Variants in HTT observed in about 807,000 individuals in gnomAD.
HTT encodes huntingtin.
HTT carries 104 observed loss-of-function variants against 362.3 expected under a neutral mutation model. The ratio of observed to expected loss-of-function variants is 0.29; its 90% CI spans 0.24 to 0.34. The LOEUF is 0.34. Ranked by LOEUF, HTT falls within the 10% of genes least tolerant of loss-of-function variation. HTT has a pLI of 1.00. For synonymous variants in HTT, 1,577 were observed against 1,548.7 expected, an observed-to-expected ratio of 1.02 and a Z score of -0.43; for missense variants, 3,301 against 3,928.6, an observed-to-expected ratio of 0.84 and a Z score of 4.27.
chr4:3,209,815 T>C lies in HTT; in HGVS notation c.6292-12T>C. 1 of 1,613,358 alleles carries C rather than the reference T, an allele frequency of 6.2e-7. No homozygotes were observed. The highest frequency in any genetic ancestry group is 1.1e-5 in the South Asian group (1 of 91,010). On this transcript the variant is annotated splice_polypyrimidine_tract_variant and intron_variant, in intron 46 of 66. Coordinates refer to ENST00000355072, the MANE Select transcript of HTT (RefSeq NM_001388492.1). Reference sequence around the variant, plus strand: ...CCCATCATGTTCCCCTTATCCATTTTTTTCTTCCCAGGACTGGTACGTTCA... The same window carrying C: ...CCCATCATGTTCCCCTTATCCATTTCTTTCTTCCCAGGACTGGTACGTTCA...
Position 3,228,050 on chromosome 4 carries a change from G to A in HTT, c.7849-565G>A, listed in dbSNP as rs1437299089. Among the ~76,000 whole-genome samples, 2 of 152,212 alleles carry A rather than the reference G, an allele frequency of 1.3e-5. No homozygotes were observed. The highest frequency in any genetic ancestry group is 2.9e-5 in the Non-Finnish European group (2 of 68,036). On this transcript the variant is annotated intron_variant, in intron 57 of 66. Coordinates refer to ENST00000355072, the MANE Select transcript of HTT (RefSeq NM_001388492.1). The surrounding 1 kb of genome is among the most constrained non-coding windows in gnomAD (Gnocchi z 4.3). ...GCCAAGAACGTGAGTTGGGGCTAGT[G>A]CCAGTGATGATGGAGAACAGCTTTT...
At position 3,099,346 on chromosome 4, in the gene HTT, G is replaced by C. The variant is rs372355130; in HGVS notation, c.420G>C (p.Glu140Asp). The change falls in exon 3 of 67, where the codon GAG (glutamate) becomes GAC (aspartate). Residue 140 changes from glutamate to aspartate, a missense_variant. Coordinates refer to ENST00000355072, the MANE Select transcript of HTT (RefSeq NM_001388492.1). Reference sequence around the variant, plus strand: ...TTCTGCTGTGCAGTGATGACGCAGAGTCAGATGTCAGGATGGTGGCTGACG... The same window carrying C: ...TTCTGCTGTGCAGTGATGACGCAGACTCAGATGTCAGGATGGTGGCTGACG... The part of the protein sequence containing the change: ...ELFLLCSDDA[E>D]SDVRMVADEC... 1.6e-4 allele frequency: 257 copies of C among 1,613,782 alleles called. No homozygotes were observed. Among genetic ancestry groups the C allele is most frequent in the Non-Finnish European group, 2.1e-4 (252 of 1,179,760 alleles).
At chr4:3,107,727 G>A (rs1256199536) in intron 6 of HTT, among the ~76,000 whole-genome samples, 1 of 152,208 alleles carries the variant, frequency 6.6e-6, no homozygotes, top group Admixed American at 6.5e-5. Context: ...CTAGCTGCGG[G>A]AAGATGACTG....
At chr4:3,172,266 G>A (rs1174621131) in intron 29 of HTT, 54 bp from the exon 30 acceptor site, 11 of 978,236 alleles carry the variant, frequency 1.1e-5, no homozygotes, top group Admixed American at 8.5e-5. Context: ...TCTAGGATTC[G>A]TACAATAACG....
chr4:3,212,858 G>A lies in HTT; in HGVS notation c.6774+149G>A, dbSNP rs77205267. 6.9e-4 allele frequency: 557 copies of A among 812,642 alleles called. 1 individual carries two copies. In the African/African-American group the frequency reaches 8.8e-3, roughly 13 times the overall value. 50.3% of individuals were successfully genotyped at this position (812,642 alleles called of 1,614,324 possible). A position where few individuals can be genotyped will look rare whatever the true frequency, so the allele number is the denominator to read the frequency against. On this transcript the variant is annotated intron_variant, in intron 49 of 66. Transcript: ENST00000355072. Reference sequence around the variant, plus strand: ...CAGCCTGGCAGTAAGTCTTGTCACCGTCAAGTTATTGTAGCCATCCTTCAC... The same window carrying A: ...CAGCCTGGCAGTAAGTCTTGTCACCATCAAGTTATTGTAGCCATCCTTCAC...
At chr4:3,100,310 A>G (rs1349706344) in intron 3 of HTT, among the ~76,000 whole-genome samples, 1 of 152,236 alleles carries the variant, frequency 6.6e-6, no homozygotes, top group Non-Finnish European at 1.5e-5. Flanking sequence ...CTTATTAATA[A>G]TGACATCCTT....
chr4:3,238,311 C>T, intron 64 of HTT, 136 bp from the exon 65 acceptor site: 1 of 600,938 alleles, frequency 1.7e-6, no homozygotes, highest in Non-Finnish European at 2.7e-6. Flanking sequence ...TTGGAAAGTC[C>T]CTCACGGCCG....
At position 3,121,341 on chromosome 4, in the gene HTT, C is replaced by A; in HGVS notation, c.1182C>A (p.Thr394=). Residue 394 remains threonine (T), a synonymous_variant, in exon 9 of 67, where the codon ACC becomes ACA. Coordinates refer to ENST00000355072, the MANE Select transcript of HTT (RefSeq NM_001388492.1). Reference sequence around the variant, plus strand: ...CGCCTCCACCCGAGCTTCTGCAAACCCTGACCGCAGTCGGGGGCATTGGGC... The same window carrying A: ...CGCCTCCACCCGAGCTTCTGCAAACACTGACCGCAGTCGGGGGCATTGGGC... ...FRTPPPELLQ[T]LTAVGGIGQL... The A allele has an allele frequency of 6.2e-7, 1 of 1,614,134 alleles. No homozygotes were observed.
At chr4:3,230,789 C>T (rs1021783531) in intron 60 of HTT, among the ~76,000 whole-genome samples, 2 of 152,136 alleles carry the variant, frequency 1.3e-5, no homozygotes, top group African/African-American at 4.8e-5. Context: ...GGCCCCAATC[C>T]ACAAGGGCTC....
chr4:3,174,608 A>C (rs1283714488), intron 31 of HTT, 113 bp from the exon 32 acceptor site: 1 of 774,796 alleles, frequency 1.3e-6, no homozygotes, highest in African/African-American at 1.7e-5. Context: ...TCAATCTGAC[A>C]CGTTCTGATC....
chr4:3,219,305 C>T (rs764590606), intron 52 of HTT, among the ~76,000 whole-genome samples: 55 of 152,070 alleles, frequency 3.6e-4, no homozygotes, highest in Admixed American at 6.5e-4. Flanking sequence ...CAGGAGGGCA[C>T]GGTCTTGAGG....
intron 3 of HTT, among the ~76,000 whole-genome samples, chr4:3,100,419 TG>T (rs1378452799): frequency 3.9e-5 from 6 of 152,228 alleles, no homozygotes; most frequent in African/African-American, 1.4e-4. Flanking sequence ...CTTTGCTTTG[TG>T]GCTAGCACTT....
chr4:3,152,396 C>T (rs1716943230), intron 26 of HTT, among the ~76,000 whole-genome samples: 1 of 152,152 alleles, frequency 6.6e-6, no homozygotes, highest in African/African-American at 2.4e-5. Context: ...CCGCTCCCAG[C>T]CAGGAAACAG....
Position 3,218,055 on chromosome 4 carries a change from A to T in HTT, c.7242+103A>T. On this transcript the variant is annotated intron_variant, in intron 52 of 66. Transcript: ENST00000355072. The surrounding 1 kb of genome is among the most constrained non-coding windows in gnomAD (Gnocchi z 4.4). ...GGGCGGGACAGAATCCCCGCAGCCC[A>T]GAGGCTGCCTGCTGTGGTTCTGGTG... 1.3e-5 allele frequency: 13 copies of T among 996,788 alleles called. No individual in the cohort carries two copies. The highest frequency in any genetic ancestry group is 3.4e-5 in the South Asian group (2 of 58,612). The allele number at this position is 996,788 out of a possible 1,614,324, so 61.7% of individuals were successfully genotyped here.
At chr4:3,104,221 A>G (rs1339436302) in intron 4 of HTT, among the ~76,000 whole-genome samples, 5 of 148,978 alleles carry the variant, frequency 3.4e-5, no homozygotes, top group African/African-American at 1.2e-4. Flanking sequence ...CTGGTCTCAA[A>G]CTCCTGACCT....
chr4:3,228,955 G>T lies in HTT; in HGVS notation c.8055G>T (p.Pro2685=), dbSNP rs773759943. 3.7e-6 allele frequency: 6 copies of T among 1,613,478 alleles called. No individual in the cohort carries two copies. The African/African-American group carries it at 4.0e-5, about 11-fold the overall frequency. The change falls in exon 59 of 67, where the codon CCG becomes CCT. Residue 2685 remains proline (P), a synonymous_variant. Transcript: ENST00000355072. This position sits in a 1 kb window ranked among gnomAD's most constrained non-coding sequence, Gnocchi z 4.3. ...AGTTGTACAGCCGCTGGATCCTGCC[G>T]TCCAGCTCAGCCAGGAGGACCCCGG... ...LLELYSRWIL[P]SSSARRTPAI... is the part of the protein sequence containing the mutation.
Position 3,148,028 on chromosome 4 carries a change from A to G in HTT, c.3319A>G (p.Ser1107Gly). 6.2e-7 allele frequency: 1 copy of G among 1,613,480 alleles called. No individual in the cohort carries two copies. The highest frequency in any genetic ancestry group is 8.5e-7 in the Non-Finnish European group (1 of 1,179,696). ...AGCCAGTGCTCCCAAATCTCTGAGA[A>G]GTTCATGGGCCTCTGAAGAAGAAGC... Reference protein sequence around the residue: ...LAASAPKSLRSSWASEEEANP... With the variant: ...LAASAPKSLRGSWASEEEANP... Residue 1107 changes from serine to glycine, a missense_variant, in exon 26 of 67, where the codon AGT becomes GGT. Ser to Gly is a moderately conservative substitution (Grantham distance 56, BLOSUM62 0). Coordinates refer to ENST00000355072, the MANE Select transcript of HTT (RefSeq NM_001388492.1).
At chr4:3,128,438 A>G (rs912008518) in intron 12 of HTT, 1 of 152,206 alleles carries the variant, frequency 6.6e-6, no homozygotes, top group Non-Finnish European at 1.5e-5. Context: ...AGTTGATTAT[A>G]TGAACTCTGC....
In HTT at chr4:3,178,438, T is replaced by C. The variant is rs1373390886; in HGVS notation, c.4604T>C (p.Val1535Ala). ...ATCATGGCCAGTGGAAGGAAGGCTG[T>C]GACACATGGTAACGGGACACACCTT... ...DGIMASGRKA[V>A]THAIPALQPI... The change falls in exon 35 of 67, where the codon GTG (valine) becomes GCG (alanine). Residue 1535 changes from valine to alanine, a missense_variant. Physicochemically the swap from Val to Ala is moderately conservative, Grantham distance 64. Coordinates refer to ENST00000355072, the MANE Select transcript of HTT (RefSeq NM_001388492.1). 1 of 1,613,632 alleles carries C rather than the reference T, an allele frequency of 6.2e-7. No individual in the cohort carries two copies. Among genetic ancestry groups the C allele is most frequent in the African/African-American group, 1.3e-5 (1 of 74,900 alleles).
Sources: allele counts gnomAD v4.1 joint callset (sites outside exome capture counted in the v4.1 genomes callset), GRCh38; gene constraint gnomAD v4.1.1; non-coding constraint Gnocchi (gnomAD v3.1); transcripts MANE v1.5; gene names NCBI Gene and HGNC (gene_info 2026-07-23, HGNC 2026-07-21).